Variants in ARHGEF1 observed in about 807,000 individuals in gnomAD.
ARHGEF1 encodes the protein Rho guanine nucleotide exchange factor 1, also known as 115 kDa guanine nucleotide exchange factor.
ARHGEF1 carries 40 observed loss-of-function variants against 119.7 expected under a neutral mutation model. The observed-to-expected ratio is 0.33, with a 90% confidence interval of 0.26 to 0.44. ARHGEF1 has a LOEUF of 0.44. Ranked by LOEUF, ARHGEF1 falls within the 20% of genes least tolerant of loss-of-function variation. The probability of loss-of-function intolerance (pLI) is 1.00; values close to 1 mark genes in which losing one functional copy is unlikely to be tolerated. For synonymous variants in ARHGEF1, 494 were observed against 521.0 expected (o/e 0.95, Z 0.71); for missense variants, 976 against 1,268.3 (o/e 0.77, Z 3.50).
chr19:41,906,220 C>G lies in ARHGEF1; in HGVS notation c.2491+195C>G. 2 of 664,574 alleles carry G rather than the reference C, an allele frequency of 3.0e-6. No individual in the cohort carries two copies. Among genetic ancestry groups the G allele is most frequent in the East Asian group, 2.7e-5 (1 of 36,822 alleles). The allele number at this position is 664,574 out of a possible 1,614,324, so 41.2% of individuals were successfully genotyped here. On this transcript the variant is annotated intron_variant, in intron 26 of 28. Transcript: ENST00000354532. The surrounding 1 kb of genome is among the most constrained non-coding windows in gnomAD (Gnocchi z 4.5). ...TGCAGCCACCATCCCTTGCTTGATT[C>G]TATATTTAGCCTCTTCCTGAACACA...
chr19:41,921,755 C>T (rs1056106242), upstream of ARHGEF1, among the ~76,000 whole-genome samples: 6 of 151,912 alleles, frequency 3.9e-5, no homozygotes, highest in Admixed American at 1.3e-4. This position sits in a 1 kb window ranked among gnomAD's most constrained non-coding sequence, Gnocchi z 4.4. Flanking sequence ...AGGTGTAGGC[C>T]GGGTGGCGGG....
At chr19:41,893,219 G>T in intron 7 of ARHGEF1, 55 bp from the exon 8 acceptor site, 1 of 1,609,558 alleles carries the variant, frequency 6.2e-7, no homozygotes, top group Non-Finnish European at 8.5e-7. Context: ...ATCCTGGGTG[G>T]ATGGGGACCC....
At position 41,917,442 on chromosome 19, in the gene ARHGEF1, C is replaced by A. The variant is rs1365392040; in HGVS notation, c.1866-5650C>A. On this transcript the variant is annotated intron_variant, in intron 18 of 20. Coordinates refer to the ARHGEF1 transcript ENST00000599589. The surrounding 1 kb of genome is among the most constrained non-coding windows in gnomAD (Gnocchi z 4.8). ...CTCGGGAGCCGCCTCGGGCCTCGCA[C>A]CCCCACCACCAGCCCCTTCATCCCT... is the stretch of plus-strand genomic sequence containing the variant. Among the ~76,000 whole-genome samples, 1 of 151,856 alleles carries A rather than the reference C, an allele frequency of 6.6e-6. No homozygotes were observed. Among genetic ancestry groups the A allele is most frequent in the African/African-American group, 2.4e-5 (1 of 41,326 alleles).
At position 41,905,428 on chromosome 19, in the gene ARHGEF1, T is replaced by C; in HGVS notation, c.2336+167T>C. 1 of 655,442 alleles carries C rather than the reference T, an allele frequency of 1.5e-6. No individual in the cohort carries two copies. The highest frequency in any genetic ancestry group is 2.6e-6 in the Non-Finnish European group (1 of 385,772). 40.6% of individuals were successfully genotyped at this position (655,442 alleles called of 1,614,324 possible). A position where few individuals can be genotyped will look rare whatever the true frequency, so the allele number is the denominator to read the frequency against. On this transcript the variant is annotated intron_variant, in intron 24 of 28. Coordinates refer to ENST00000354532, the MANE Select transcript of ARHGEF1 (RefSeq NM_004706.4). This position sits in a 1 kb window ranked among gnomAD's most constrained non-coding sequence, Gnocchi z 6.4. ...ACGCAAGTATGTGACTGTGCGTGCA[T>C]ATATAGTGTGTGTATGCATGCATGT... is the stretch of plus-strand genomic sequence containing the variant.
upstream of ARHGEF1, among the ~76,000 whole-genome samples, chr19:41,920,979 C>T (rs529478921): frequency 7.5e-4 from 114 of 152,358 alleles, no homozygotes; most frequent in Non-Finnish European, 1.3e-3. Context: ...CTGTCTCTCT[C>T]CCTGAGTCTC....
In ARHGEF1 at chr19:41,895,401, G is replaced by C. The variant is rs2074467135; in HGVS notation, c.930G>C (p.Arg310=). 6.2e-7 allele frequency: 1 copy of C among 1,612,798 alleles called. No homozygotes were observed. Among genetic ancestry groups the C allele is most frequent in the African/African-American group, 1.3e-5 (1 of 74,954 alleles). The change falls in exon 12 of 29, where the codon CGG becomes CGC. Residue 310 remains arginine, a synonymous_variant. Transcript: ENST00000354532. The part of the protein sequence containing the change: ...DRKGGVGMPS[R]DRNIGAPGQD... ...AGGGAGGCGTGGGGATGCCCTCTCG[G>C]GACCGGAATATCGGGGCTCCTGGGC... is the stretch of plus-strand genomic sequence containing the variant.
intron 18 of ARHGEF1, among the ~76,000 whole-genome samples, chr19:41,914,540 CCG>C (rs2074775298): frequency 6.9e-6 from 1 of 145,302 alleles, no homozygotes; most frequent in Non-Finnish European, 1.5e-5. Flanking sequence ...TCTCTGCTAT[CCG>C]TCTTTCCCTC....
At chr19:41,925,070 CTG>C (rs1269586215) in intron 1 of ARHGEF1, among the ~76,000 whole-genome samples, 1 of 152,098 alleles carries the variant, frequency 6.6e-6, no homozygotes, top group Non-Finnish European at 1.5e-5. Context: ...AGGTGCATGT[CTG>C]TGGGACAGGG....
In ARHGEF1 at chr19:41,905,535, G is replaced by A. The variant is rs2074679264; in HGVS notation, c.2337-225G>A. ...TGTGACAGCATGTGCATGCATGTGT[G>A]TGTGTGTGCGCATGTGCCGACCCCA... On this transcript the variant is annotated intron_variant, in intron 24 of 28. Transcript: ENST00000354532. The surrounding 1 kb of genome is among the most constrained non-coding windows in gnomAD (Gnocchi z 6.4). 3.3e-6 allele frequency: 2 copies of A among 615,276 alleles called. No homozygotes were observed. The highest frequency in any genetic ancestry group is 5.7e-6 in the Non-Finnish European group (2 of 349,352). 38.1% of individuals were successfully genotyped at this position (615,276 alleles called of 1,614,324 possible). A position where few individuals can be genotyped will look rare whatever the true frequency, so the allele number is the denominator to read the frequency against.
At chr19:41,898,328 A>C in intron 13 of ARHGEF1, 114 bp from the exon 14 acceptor site, 1 of 1,489,186 alleles carries the variant, frequency 6.7e-7, no homozygotes, top group South Asian at 1.2e-5. Flanking sequence ...TGCACGGGCC[A>C]CCCTGCGGGC....
Position 41,907,260 on chromosome 19 carries a change from G to C in ARHGEF1, c.*173G>C. The C allele has an allele frequency of 6.6e-7, 1 of 1,526,130 alleles. No homozygotes were observed. Among genetic ancestry groups the C allele is most frequent in the Non-Finnish European group, 8.8e-7 (1 of 1,141,250 alleles). The allele number at this position is 1,526,130 out of a possible 1,614,324, so 94.5% of individuals were successfully genotyped here. On this transcript the variant is annotated 3_prime_UTR_variant, in exon 29 of 29. Coordinates refer to ENST00000354532, the MANE Select transcript of ARHGEF1 (RefSeq NM_004706.4). ...AGCTGGGGTTACTGGCCCCGCATGA[G>C]CCTCGGCCATCTCTCCCTCCTGCCC... is the stretch of plus-strand genomic sequence containing the variant.
Position 41,906,487 on chromosome 19 carries a change from C to T in ARHGEF1, c.2522C>T (p.Ala841Val), listed in dbSNP as rs375950739. ...VLSLKQLLFP[A>V]EEDNGAGPPR... ...TCCCTGAAGCAGCTTCTGTTTCCGGCGGAGGAAGACAATGGGGCGGGGCCT... is the reference window on the plus strand; with the variant it reads ...TCCCTGAAGCAGCTTCTGTTTCCGGTGGAGGAAGACAATGGGGCGGGGCCT... The change falls in exon 27 of 29, where the codon GCG (alanine) becomes GTG (valine). Residue 841 changes from alanine to valine, a missense_variant. By Grantham distance (64) the Ala-to-Val change is moderately conservative. Around this residue, in one of 3 missense-constraint regions of ARHGEF1, gnomAD observed 171 missense variants for 180.6 expected, o/e 0.95. Transcript: ENST00000354532. The surrounding 1 kb of genome is among the most constrained non-coding windows in gnomAD (Gnocchi z 4.5). 3.4e-5 allele frequency: 54 copies of T among 1,576,900 alleles called. No individual in the cohort carries two copies. Among genetic ancestry groups the T allele is most frequent in the African/African-American group, 6.9e-5 (5 of 72,298 alleles).
At chr19:41,907,061 CT>C (rs1555850427) in intron 28 of ARHGEF1, 43 bp from the exon 29 acceptor site, 1 of 1,444,816 alleles carries the variant, frequency 6.9e-7, no homozygotes, top group Non-Finnish European at 9.1e-7. Flanking sequence ...CCCTGTCTCT[CT>C]CTCCATCTCT....
Position 41,895,475 on chromosome 19 carries a change from A to G in ARHGEF1, c.1004A>G (p.Asp335Gly), listed in dbSNP as rs1555847400. ...SLHPLSLDSP[D>G]REPGADAPLE... is the part of the protein sequence containing the mutation. ...CACCCTCTGTCCCTGGACAGCCCAG[A>G]CCGGGAACCAGGTGAGAGTTTCCTG... The change falls in exon 12 of 29, where the codon GAC (aspartate) becomes GGC (glycine). Residue 335 changes from aspartate (D) to glycine (G), a missense_variant. This residue lies in a region of ARHGEF1 where 519 missense variants were observed against 580.9 expected (regional missense o/e 0.89). Coordinates refer to ENST00000354532, the MANE Select transcript of ARHGEF1 (RefSeq NM_004706.4). 7 of 1,599,460 alleles carry G rather than the reference A, an allele frequency of 4.4e-6. No homozygotes were observed. The highest frequency in any genetic ancestry group is 1.3e-5 in the African/African-American group (1 of 74,696).
chr19:41,903,649 A>G lies in ARHGEF1; in HGVS notation c.1840-58A>G, dbSNP rs2074641152. 4.5e-6 allele frequency: 7 copies of G among 1,565,678 alleles called. No homozygotes were observed. The highest frequency in any genetic ancestry group is 2.6e-6 in the Non-Finnish European group (3 of 1,143,342). On this transcript the variant is annotated intron_variant, in intron 19 of 28. Coordinates refer to ENST00000354532, the MANE Select transcript of ARHGEF1 (RefSeq NM_004706.4). The surrounding 1 kb of genome is among the most constrained non-coding windows in gnomAD (Gnocchi z 4.2). ...GGCTCTCATCTTACCAATGTGGGTC[A>G]CTGCAGGTCAGCCCCAGCACTTAGC...
In ARHGEF1 at chr19:41,888,317, T is replaced by G; in HGVS notation, c.111+39T>G. The G allele has an allele frequency of 6.2e-7, 1 of 1,600,588 alleles. No individual in the cohort carries two copies. The highest frequency in any genetic ancestry group is 8.5e-7 in the Non-Finnish European group (1 of 1,171,226). On this transcript the variant is annotated intron_variant, in intron 3 of 28. Coordinates refer to ENST00000354532, the MANE Select transcript of ARHGEF1 (RefSeq NM_004706.4). This position sits in a 1 kb window ranked among gnomAD's most constrained non-coding sequence, Gnocchi z 5.1. ...AGGGTGGAAAAGCTCTGTCCCAGGC[T>G]CAGTGTCCCGCCCCAGGTCCCCTCC...
Position 41,903,217 on chromosome 19 carries a change from CG to C in ARHGEF1, c.1739-88del. The C allele has an allele frequency of 8.2e-7, 1 of 1,212,972 alleles. No individual in the cohort carries two copies. The highest frequency in any genetic ancestry group is 1.2e-6 in the Non-Finnish European group (1 of 834,474). 75.1% of individuals were successfully genotyped at this position (1,212,972 alleles called of 1,614,324 possible). ...GATTACAGGCGTGAGCCACCATGCC[CG>C]GCCAGCTGTCCTTTGTCTAACCTTG... On this transcript the variant is annotated intron_variant, in intron 18 of 28. Coordinates refer to ENST00000354532, the MANE Select transcript of ARHGEF1 (RefSeq NM_004706.4). The surrounding 1 kb of genome is among the most constrained non-coding windows in gnomAD (Gnocchi z 4.2).
chr19:41,885,880 G>T (rs1166331062), intron 1 of ARHGEF1, among the ~76,000 whole-genome samples: 1 of 152,156 alleles, frequency 6.6e-6, no homozygotes, highest in African/African-American at 2.4e-5. Context: ...AGCCTCCCAA[G>T]TAGCTATGAC....
In ARHGEF1 at chr19:41,883,975, C is replaced by T. The variant is rs919283617; in HGVS notation, c.-20+686C>T. Among the ~76,000 whole-genome samples the T allele has an allele frequency of 6.6e-6, 1 of 152,038 alleles. No homozygotes were observed. The highest frequency in any genetic ancestry group is 2.4e-5 in the African/African-American group (1 of 41,386). On this transcript the variant is annotated intron_variant, in intron 1 of 28. Transcript: ENST00000354532. The surrounding 1 kb of genome is among the most constrained non-coding windows in gnomAD (Gnocchi z 7.6). ...GTTGTGCTGGAACTCAAGACTATTG[C>T]TTTTCCGGTTCCAAAGGAAGGGGCT...
Sources: allele counts gnomAD v4.1 joint callset (sites outside exome capture counted in the v4.1 genomes callset), GRCh38; gene constraint gnomAD v4.1.1; regional missense constraint gnomAD v4.1.1; non-coding constraint Gnocchi (gnomAD v3.1); transcripts MANE v1.5; gene names NCBI Gene and HGNC (gene_info 2026-07-23, HGNC 2026-07-21).